LAMA2: variants seen among roughly 807,000 people sequenced by gnomAD.
The protein encoded by LAMA2 is laminin subunit alpha 2.
Under a neutral mutation model 364.8 loss-of-function variants are expected in LAMA2, and 269 were observed. The observed-to-expected ratio is 0.74, with a 90% CI of 0.67 to 0.82. LAMA2 has a LOEUF of 0.82. Among genes scored for constraint, LAMA2 ranks in the 40% least tolerant of loss-of-function variants. The pLI is 0.00. For missense variants in LAMA2, 3,807 were observed against 3,873.2 expected (o/e 0.98, Z 0.45); for synonymous variants, 1,379 against 1,370.6 (o/e 1.01, Z -0.14).
intron 1 of LAMA2, among the ~76,000 whole-genome samples, chr6:128,916,684 C>T (rs146823182): frequency 1.4e-3 from 216 of 152,218 alleles, no homozygotes; most frequent in African/African-American, 5.0e-3. Context: ...TGTGGAGAAG[C>T]CAGGAGACAT....
intron 3 of LAMA2, among the ~76,000 whole-genome samples, chr6:129,086,099 CT>C (rs1363216488): frequency 6.6e-6 from 1 of 152,216 alleles, no homozygotes; most frequent in East Asian, 1.9e-4. Context: ...GCTTGACAAA[CT>C]GTTGGCGGAA....
intron 9 of LAMA2, among the ~76,000 whole-genome samples, chr6:129,173,027 C>A (rs897020203): frequency 3.3e-5 from 5 of 152,352 alleles, no homozygotes; most frequent in African/African-American, 1.2e-4. Context: ...CGCCCTGCTT[C>A]GGCTCGCGCA....
At chr6:129,403,112 C>T (rs1780066022) in intron 39 of LAMA2, among the ~76,000 whole-genome samples, 1 of 152,092 alleles carries the variant, frequency 6.6e-6, no homozygotes, top group African/African-American at 2.4e-5. Flanking sequence ...TTGGGATTGT[C>T]GTAATTTAAT....
chr6:129,099,510 A>C (rs959596889), intron 4 of LAMA2, among the ~76,000 whole-genome samples: 3 of 151,944 alleles, frequency 2.0e-5, no homozygotes, highest in Admixed American at 2.0e-4. Flanking sequence ...CTTTCATGCT[A>C]CCTAATTATG....
chr6:129,132,746 G>A (rs376149354), intron 4 of LAMA2, among the ~76,000 whole-genome samples: 95 of 152,178 alleles, frequency 6.2e-4, no homozygotes, highest in African/African-American at 2.2e-3. Flanking sequence ...AAGGGTAATG[G>A]CAACTAACAA....
intron 29 of LAMA2, among the ~76,000 whole-genome samples, chr6:129,339,431 A>G (rs1776133666): frequency 6.6e-6 from 1 of 152,204 alleles, no homozygotes; most frequent in South Asian, 2.1e-4. Flanking sequence ...CTTCTGTGTT[A>G]TACAATATTT....
intron 22 of LAMA2, among the ~76,000 whole-genome samples, chr6:129,304,314 G>A (rs1773732819): frequency 6.6e-6 from 1 of 151,960 alleles, no homozygotes; most frequent in East Asian, 1.9e-4. Context: ...CCCCAGGCTC[G>A]AGTGCAGTGG....
intron 34 of LAMA2, among the ~76,000 whole-genome samples, chr6:129,371,584 C>T (rs377525806): frequency 5.3e-5 from 8 of 150,352 alleles, no homozygotes; most frequent in African/African-American, 1.7e-4. Context: ...AATGATCTGA[C>T]GTTAGAGACA....
intron 1 of LAMA2, among the ~76,000 whole-genome samples, chr6:128,943,242 CAGAG>C (rs1030657947): frequency 1.3e-5 from 2 of 149,152 alleles, no homozygotes; most frequent in South Asian, 2.1e-4. Flanking sequence ...TATAAATACA[CAGAG>C]AGAGTGTGTG....
Position 129,473,343 on chromosome 6 carries a change from G to C in LAMA2, c.7430G>C (p.Arg2477Thr). 1.2e-6 allele frequency: 2 copies of C among 1,612,264 alleles called. No individual in the cohort carries two copies. Among genetic ancestry groups the C allele is most frequent in the Non-Finnish European group, 1.7e-6 (2 of 1,178,812 alleles). ...KIYFGGLPTL[R>T]NLSMKARPEV... ...TATTTTGGTGGCCTGCCAACGCTGA[G>C]AAACTTGAGGTAATTTAGTTTATAT... The change falls in exon 52 of 65, where the codon AGA becomes ACA. Residue 2477 changes from arginine (R) to threonine (T), a missense_variant. Arg to Thr is a moderately conservative substitution (Grantham distance 71, BLOSUM62 -1). Around this residue, in one of 3 missense-constraint regions of LAMA2, gnomAD observed 3,333 missense variants for 3,345.7 expected, o/e 1.00. Transcript: ENST00000421865.
chr6:129,375,106 C>T (rs2114638077), intron 34 of LAMA2, among the ~76,000 whole-genome samples: 1 of 152,020 alleles, frequency 6.6e-6, no homozygotes, highest in East Asian at 1.9e-4. Context: ...ATTATTCCAC[C>T]CAAGAACTCA....
chr6:129,222,730 T>A (rs891760187), intron 12 of LAMA2, among the ~76,000 whole-genome samples: 5 of 152,134 alleles, frequency 3.3e-5, no homozygotes, highest in African/African-American at 1.2e-4. Context: ...ATTTTCTTAA[T>A]CCAGTCTATC....
At chr6:129,294,324 A>G (rs1173511160) in intron 20 of LAMA2, among the ~76,000 whole-genome samples, 1 of 152,220 alleles carries the variant, frequency 6.6e-6, no homozygotes. Context: ...TCAGAGTGCT[A>G]TAAGAGCATA....
intron 1 of LAMA2, among the ~76,000 whole-genome samples, chr6:128,957,836 A>ATTTTTTTTTTTTTTTTTTTTTTTTTCTT (rs10652900): frequency 3.9e-5 from 2 of 51,262 alleles, no homozygotes; most frequent in African/African-American, 7.9e-5. Context: ...TACTTCATGC[A>ATTTTTTTTTTTTTTTTTTTTTTTTTCTT]TTTTTTTTTT....
intron 2 of LAMA2, among the ~76,000 whole-genome samples, chr6:129,059,115 C>T (rs1408785591): frequency 6.6e-6 from 1 of 152,138 alleles, no homozygotes; most frequent in Non-Finnish European, 1.5e-5. Context: ...TGGGATCAGA[C>T]TGTAAGTAGA....
chr6:128,964,762 T>A (rs1781735845), intron 1 of LAMA2, among the ~76,000 whole-genome samples: 1 of 152,014 alleles, frequency 6.6e-6, no homozygotes, highest in South Asian at 2.1e-4. Flanking sequence ...AAAATAGAAA[T>A]CTGAAATGTT....
In LAMA2 at chr6:129,099,130, T is replaced by G. The variant is rs575466223; in HGVS notation, c.639+715T>G. Among the ~76,000 whole-genome samples the G allele has an allele frequency of 1.9e-3, 287 of 149,548 alleles. 2 individuals are homozygous for G. The highest frequency in any genetic ancestry group is 6.6e-3 in the African/African-American group (271 of 40,894). ...GGCGGGGAGGTTTTTTTTTTGTTTTTTTTTTTTTTGTTTTCTGGCTTAGTT... is the reference window on the plus strand; with the variant it reads ...GGCGGGGAGGTTTTTTTTTTGTTTTGTTTTTTTTTGTTTTCTGGCTTAGTT... On this transcript the variant is annotated intron_variant, in intron 4 of 64. Transcript: ENST00000421865.
intron 7 of LAMA2, among the ~76,000 whole-genome samples, chr6:129,151,079 A>T (rs1393179183): frequency 2.0e-5 from 3 of 152,192 alleles, no homozygotes. Flanking sequence ...GTTGCTGATG[A>T]TAGAGAAAAA....
chr6:129,213,163 A>T (rs1011342788), intron 12 of LAMA2, among the ~76,000 whole-genome samples: 5 of 152,184 alleles, frequency 3.3e-5, no homozygotes, highest in African/African-American at 1.2e-4. Context: ...TTCACTTAGC[A>T]ATATGCCTGT....
Sources: allele counts gnomAD v4.1 joint callset (sites outside exome capture counted in the v4.1 genomes callset), GRCh38; gene constraint gnomAD v4.1.1; regional missense constraint gnomAD v4.1.1; transcripts MANE v1.5; gene names NCBI Gene and HGNC (gene_info 2026-07-23, HGNC 2026-07-21).